HSPA12A: variants seen among roughly 807,000 people sequenced by gnomAD.
HSPA12A encodes the protein heat shock protein family A (Hsp70) member 12A, also known as heat shock 70 kDa protein 12A.
Under a neutral mutation model 69.2 loss-of-function variants are expected in HSPA12A, and 28 were observed. The ratio of observed to expected loss-of-function variants is 0.40; its 90% CI spans 0.30 to 0.55. The LOEUF (loss-of-function observed/expected upper bound fraction) is 0.55, where lower values mean the gene tolerates loss of function less well. HSPA12A is among the 20% of genes least tolerant of loss of function. HSPA12A has a pLI of 0.38. For missense variants in HSPA12A, 686 were observed against 900.7 expected, an observed-to-expected ratio of 0.76 and a Z score of 3.05; for synonymous variants, 345 against 370.5, an observed-to-expected ratio of 0.93 and a Z score of 0.79.
intron 1 of HSPA12A, chr10:116,849,556 A>T: frequency 1.3e-6 from 2 of 1,528,372 alleles, no homozygotes; most frequent in Admixed American, 2.1e-5. Context: ...TGTAGCCTTA[A>T]ATCTCCTACC....
At chr10:116,754,868 G>T (rs1396258325) in intron 2 of HSPA12A, among the ~76,000 whole-genome samples, 1 of 152,174 alleles carries the variant, frequency 6.6e-6, no homozygotes, top group Non-Finnish European at 1.5e-5. Context: ...TGCATACTTT[G>T]GGAAATCCTA....
At chr10:116,715,303 A>C (rs1421582944) in intron 1 of HSPA12A, among the ~76,000 whole-genome samples, 1 of 152,236 alleles carries the variant, frequency 6.6e-6, no homozygotes, top group Non-Finnish European at 1.5e-5. Flanking sequence ...TAAAACACAC[A>C]TCAACTCCAG....
chr10:116,830,739 C>G (rs1443525947), intron 2 of HSPA12A: 1 of 145,668 alleles, frequency 6.9e-6, no homozygotes, highest in East Asian at 1.9e-4. Flanking sequence ...TACCACTGCA[C>G]TCCAGCATGG....
intron 2 of HSPA12A, among the ~76,000 whole-genome samples, chr10:116,780,683 TAA>T: frequency 6.6e-6 from 1 of 152,322 alleles, no homozygotes; most frequent in South Asian, 2.1e-4. Context: ...CAAATCCTTT[TAA>T]AAATTATGAT....
At chr10:116,678,183 C>A (rs782744024) in intron 10 of HSPA12A, among the ~76,000 whole-genome samples, 6 of 151,522 alleles carry the variant, frequency 4.0e-5, no homozygotes, top group Non-Finnish European at 7.4e-5. Flanking sequence ...CATTAGTGGA[C>A]CAGGCAATAA....
chr10:116,807,839 C>T (rs1332564511), intron 2 of HSPA12A, among the ~76,000 whole-genome samples: 2 of 152,172 alleles, frequency 1.3e-5, no homozygotes, highest in Non-Finnish European at 2.9e-5. Flanking sequence ...AACGCCTCCT[C>T]ATTCACAGCC....
intron 2 of HSPA12A, among the ~76,000 whole-genome samples, chr10:116,814,442 A>T (rs901316449): frequency 6.6e-6 from 1 of 152,196 alleles, no homozygotes; most frequent in African/African-American, 2.4e-5. Flanking sequence ...CAGCAAGTGA[A>T]AAGCCACATC....
intron 2 of HSPA12A, among the ~76,000 whole-genome samples, chr10:116,792,361 GA>G (rs1475489750): frequency 6.6e-6 from 1 of 151,604 alleles, no homozygotes; most frequent in Non-Finnish European, 1.5e-5. Flanking sequence ...GTTCTAGAAG[GA>G]AATGAAAGTA....
At chr10:116,705,593 C>T (rs894144024) in intron 2 of HSPA12A, among the ~76,000 whole-genome samples, 2 of 152,244 alleles carry the variant, frequency 1.3e-5, no homozygotes, top group Admixed American at 6.5e-5. Flanking sequence ...CAGGGCTGGT[C>T]GCCCAGTAGT....
chr10:116,734,483 G>A (rs568232658), intron 1 of HSPA12A, among the ~76,000 whole-genome samples: 1 of 150,600 alleles, frequency 6.6e-6, no homozygotes, highest in African/African-American at 2.4e-5. Context: ...ACCCATCCAG[G>A]GTGTCACCCA....
chr10:116,683,674 G>T, intron 7 of HSPA12A, 117 bp downstream of exon 7: 3 of 1,087,278 alleles, frequency 2.8e-6, no homozygotes, highest in Non-Finnish European at 1.3e-6. Flanking sequence ...ACCTCCTCCC[G>T]GAGTATCCTG....
At chr10:116,817,597 C>T (rs1210259251) in intron 2 of HSPA12A, among the ~76,000 whole-genome samples, 2 of 152,130 alleles carry the variant, frequency 1.3e-5, no homozygotes, top group Non-Finnish European at 2.9e-5. Context: ...CTGTGCTCCA[C>T]CACCATAGCG....
rs538117694 is a variant in HSPA12A, at chr10:116,705,189, G to A, written c.216C>T (p.Tyr72=). 2.7e-5 allele frequency: 43 copies of A among 1,614,226 alleles called. No homozygotes were observed. The highest frequency in any genetic ancestry group is 2.5e-6 in the Non-Finnish European group (3 of 1,180,038). Residue 72 remains tyrosine (Y), a synonymous_variant, in exon 3 of 12, where the codon TAC becomes TAT. Transcript: ENST00000369209. ...DFGTTSSGYA[Y]SFTKEPECIH... is the part of the protein sequence containing the mutation. ...TGCATTCCGGCTCCTTGGTGAAGCT[G>A]TAGGCATAGCCACTGGATGTGGTCC...
intron 1 of HSPA12A, among the ~76,000 whole-genome samples, chr10:116,726,603 G>T (rs1176166556): frequency 6.6e-6 from 1 of 152,100 alleles, no homozygotes; most frequent in Non-Finnish European, 1.5e-5. Context: ...TTCTGGGGGT[G>T]CCTGTCAAAC....
At chr10:116,850,083 A>C (rs536045850), upstream of HSPA12A, 2 of 430,386 alleles carry the variant, frequency 4.6e-6, no homozygotes, top group Non-Finnish European at 8.6e-6. Context: ...GTCATTTTTA[A>C]CACATACCTT....
chr10:116,838,771 A>T (rs1207897693), intron 1 of HSPA12A, among the ~76,000 whole-genome samples: 1 of 152,244 alleles, frequency 6.6e-6, no homozygotes, highest in African/African-American at 2.4e-5. Flanking sequence ...CTGCATTTTT[A>T]AAAATGTTGC....
At chr10:116,812,142 G>T (rs913720057) in intron 2 of HSPA12A, among the ~76,000 whole-genome samples, 3 of 152,078 alleles carry the variant, frequency 2.0e-5, no homozygotes, top group Non-Finnish European at 4.4e-5. Flanking sequence ...TTGTATATTT[G>T]CCCCCTGCCT....
intron 2 of HSPA12A, among the ~76,000 whole-genome samples, chr10:116,768,811 T>C (rs1439281257): frequency 6.6e-6 from 1 of 151,640 alleles, no homozygotes; most frequent in African/African-American, 2.4e-5. Context: ...GGCTCAATTA[T>C]TTTTTTTTAA....
chr10:116,838,836 A>G (rs1473976535), intron 1 of HSPA12A, among the ~76,000 whole-genome samples: 1 of 152,226 alleles, frequency 6.6e-6, no homozygotes, highest in Non-Finnish European at 1.5e-5. Context: ...TGAGAATTCT[A>G]ACCCGGGCTA....
Sources: gnomAD v4.1 joint callset for allele counts (sites outside exome capture counted in the v4.1 genomes callset) on GRCh38, gnomAD v4.1.1 for gene constraint, MANE v1.5 for transcripts, NCBI Gene and HGNC (gene_info 2026-07-23, HGNC 2026-07-21) for gene names.